The following SLC2A5 variants were observed in gnomAD, a reference collection of about 807,000 sequenced individuals.
SLC2A5 encodes solute carrier family 2 member 5, also known as solute carrier family 2, facilitated glucose transporter member 5.
SLC2A5 carries 56 observed loss-of-function variants against 50.3 expected under a neutral mutation model. That is an observed-to-expected ratio of 1.11 (90% CI 0.90 to 1.39). SLC2A5 has a LOEUF of 1.39. Among genes scored for constraint, SLC2A5 ranks in the 40% most tolerant of loss-of-function variants. SLC2A5 has a pLI of 0.00. For missense variants in SLC2A5, 566 were observed against 650.1 expected (o/e 0.87, Z 1.41); for synonymous variants, 269 against 281.9 (o/e 0.95, Z 0.46).
At chr1:9,039,716 C>T in intron 7 of SLC2A5, 54 bp from the exon 8 acceptor site, 1 of 1,448,578 alleles carries the variant, frequency 6.9e-7, no homozygotes, top group Non-Finnish European at 9.1e-7. Flanking sequence ...GCCTCGGCGC[C>T]AGGACCCACG....
rs1281478819 is a variant in SLC2A5, at chr1:9,039,812, C to T, written c.873G>A (p.Ser291=). Residue 291 remains serine, a synonymous_variant, in exon 7 of 12, where the codon TCG becomes TCA. Transcript: ENST00000377424. Reference sequence around the variant, plus strand: ...GCCCGGCCCATACAGCGTTGACGCCCGACAGCTGCTGGCCGCCCATGAGGA... The same window carrying T: ...GCCCGGCCCATACAGCGTTGACGCCTGACAGCTGCTGGCCGCCCATGAGGA... ...IIVLMGGQQL[S]GVNAIYYYAD... 6 of 1,592,836 alleles carry T rather than the reference C, an allele frequency of 3.8e-6. No individual in the cohort carries two copies. The highest frequency in any genetic ancestry group is 1.7e-5 in the Admixed American group (1 of 57,318).
upstream of SLC2A5, among the ~76,000 whole-genome samples, chr1:9,089,511 A>G (rs1307066191): frequency 6.6e-6 from 1 of 152,216 alleles, no homozygotes; most frequent in African/African-American, 2.4e-5. Context: ...GTCTTTAACA[A>G]CAGAGACAAG....
upstream of SLC2A5, chr1:9,072,007 C>G (rs112417908): frequency 6.4e-6 from 1 of 155,706 alleles, no homozygotes; most frequent in Admixed American, 6.6e-5. Context: ...AGCCTCAGCC[C>G]GGGTTCCCCT....
intron 1 of SLC2A5, among the ~76,000 whole-genome samples, chr1:9,060,657 A>C (rs370927775): frequency 0.13 from 11,363 of 90,834 alleles, 872 homozygotes; most frequent in Admixed American, 0.16. Context: ...CACCCCCCAC[A>C]CACACACACC....
chr1:9,088,098 A>G (rs1642422284), intron 1 of SLC2A5, among the ~76,000 whole-genome samples: 2 of 152,142 alleles, frequency 1.3e-5, no homozygotes, highest in African/African-American at 4.8e-5. Flanking sequence ...GATTCCCTGT[A>G]TTCAGGCTTT....
chr1:9,073,290 C>A (rs565891051), upstream of SLC2A5, among the ~76,000 whole-genome samples: 282 of 152,366 alleles, frequency 1.9e-3, no homozygotes, highest in African/African-American at 6.3e-3. Flanking sequence ...GGGAACAAGA[C>A]CTGCGGCTGC....
chr1:9,060,700 C>T (rs1641918493), intron 1 of SLC2A5, among the ~76,000 whole-genome samples: 1 of 146,766 alleles, frequency 6.8e-6, no homozygotes. Flanking sequence ...CAGCCCACCC[C>T]ACACACACAC....
At chr1:9,062,579 A>G (rs898170262) in intron 1 of SLC2A5, among the ~76,000 whole-genome samples, 6 of 152,152 alleles carry the variant, frequency 3.9e-5, no homozygotes, top group Non-Finnish European at 7.4e-5. Context: ...AACTTTAAAA[A>G]AATTACTCCA....
Position 9,081,489 on chromosome 1 carries a change from A to AT in SLC2A5, c.-59+3524_-59+3525insA, listed in dbSNP as rs70985583. ...CTCTTAAAAAAAAAAAAAAAAAAAA[A>AT]GTAAAAAGACAAGAGACTAGAAGAA... On this transcript the variant is annotated intron_variant, in intron 2 of 5. Coordinates refer to the SLC2A5 transcript ENST00000464985. Among the ~76,000 whole-genome samples, 5 of 148,190 alleles carry AT rather than the reference A, an allele frequency of 3.4e-5. No homozygotes were observed. The East Asian group carries it at 9.9e-4, about 29-fold the overall frequency.
intron 2 of SLC2A5, among the ~76,000 whole-genome samples, chr1:9,075,867 G>A (rs1042426134): frequency 2.0e-5 from 3 of 152,062 alleles, no homozygotes. Flanking sequence ...CACCATGTTG[G>A]TCAAGCTGGT....
intron 3 of SLC2A5, among the ~76,000 whole-genome samples, chr1:9,052,599 A>G (rs1641606410): frequency 6.6e-6 from 1 of 152,220 alleles, no homozygotes; most frequent in Non-Finnish European, 1.5e-5. Flanking sequence ...TTTGTAACAA[A>G]TACAGCGCTC....
intron 3 of SLC2A5, among the ~76,000 whole-genome samples, chr1:9,050,828 T>G (rs1641554678): frequency 6.6e-6 from 1 of 152,126 alleles, no homozygotes; most frequent in South Asian, 2.1e-4. Flanking sequence ...GAGATAAAAA[T>G]GTCATAAAAC....
intron 4 of SLC2A5, among the ~76,000 whole-genome samples, chr1:9,042,514 T>C (rs1210196298): frequency 6.6e-6 from 1 of 151,290 alleles, no homozygotes; most frequent in Non-Finnish European, 1.5e-5. Flanking sequence ...TGTGTATGTG[T>C]ATATGGACAT....
chr1:9,058,473 C>T (rs141193118), intron 1 of SLC2A5, among the ~76,000 whole-genome samples: 2 of 152,308 alleles, frequency 1.3e-5, no homozygotes, highest in Non-Finnish European at 2.9e-5. Context: ...GGGGGCTGTC[C>T]TGAGCACAGC....
chr1:9,038,111 C>A, intron 10 of SLC2A5, 87 bp from the exon 11 acceptor site: 2 of 1,500,194 alleles, frequency 1.3e-6, no homozygotes. Context: ...AGGTAGCTGG[C>A]CCCAGGACAG....
intron 3 of SLC2A5, among the ~76,000 whole-genome samples, chr1:9,053,290 TA>T (rs1641647513): frequency 1.1e-4 from 5 of 45,508 alleles, no homozygotes; most frequent in South Asian, 7.4e-4. Context: ...ATATATTGTA[TA>T]TTTATATTAT....
chr1:9,057,360 C>A, intron 3 of SLC2A5, 88 bp downstream of exon 3: 1 of 735,464 alleles, frequency 1.4e-6, no homozygotes, highest in Non-Finnish European at 2.1e-6. Context: ...ATCTTAGTCT[C>A]ATGGTAAGGA....
At position 9,053,481 on chromosome 1, in the gene SLC2A5, TTATATATTTATATATA is replaced by T. The variant is rs1641672807; in HGVS notation, c.293+3951_293+3966del. On this transcript the variant is annotated intron_variant, in intron 3 of 11. Coordinates refer to ENST00000377424, the MANE Select transcript of SLC2A5 (RefSeq NM_003039.3). The stretch of plus-strand genomic sequence containing the variant: ...TATATATTATATATATTTATATATA[TTATATATTTATATATA>T]ATATATATTATATATTTTATCTATA... 1.3e-3 allele frequency among the ~76,000 whole-genome samples: 86 copies of T among 67,262 alleles called. 1 individual carries two copies. Among genetic ancestry groups the T allele is most frequent in the Admixed American group, 1.6e-3 (6 of 3,832 alleles). The allele number at this position is 67,262 out of a possible 152,430, so 44.1% of individuals were successfully genotyped here. A position where few individuals can be genotyped will look rare whatever the true frequency, so the allele number is the denominator to read the frequency against.
chr1:9,090,942 T>C (rs976187188), upstream of SLC2A5, among the ~76,000 whole-genome samples: 2 of 152,242 alleles, frequency 1.3e-5, no homozygotes, highest in Non-Finnish European at 2.9e-5. Context: ...GAATGGGTAC[T>C]AGGAATCCAA....
Sources: gnomAD v4.1 joint callset for allele counts (sites outside exome capture counted in the v4.1 genomes callset) on GRCh38, gnomAD v4.1.1 for gene constraint, MANE v1.5 for transcripts, NCBI Gene and HGNC (gene_info 2026-07-23, HGNC 2026-07-21) for gene names.